Variants in PC observed in about 807,000 individuals in gnomAD.
PC encodes pyruvate carboxylase, also known as pyruvate carboxylase, mitochondrial.
Under a neutral mutation model 107.8 loss-of-function variants are expected in PC, and 46 were observed. The observed-to-expected ratio is 0.43, with a 90% confidence interval of 0.34 to 0.55. The LOEUF (loss-of-function observed/expected upper bound fraction) is 0.55, where lower values mean the gene tolerates loss of function less well. Among genes scored for constraint, PC ranks in the 20% least tolerant of loss-of-function variants. PC has a pLI of 0.04. For synonymous variants in PC, 662 were observed against 684.7 expected (o/e 0.97, Z 0.52); for missense variants, 1,241 against 1,643.1 (o/e 0.76, Z 4.23).
intron 3 of PC, among the ~76,000 whole-genome samples, chr11:66,875,719 C>G (rs1946952088): frequency 6.6e-6 from 1 of 152,104 alleles, no homozygotes. Flanking sequence ...CTGCGGTGAC[C>G]AGGAGGCACC....
chr11:66,856,379 G>A (rs1252689015), intron 12 of PC, among the ~76,000 whole-genome samples: 1 of 151,986 alleles, frequency 6.6e-6, no homozygotes, highest in Non-Finnish European at 1.5e-5. Context: ...GGCAGCTGGG[G>A]AGGGAGGGAG....
chr11:66,852,627 A>G lies in PC; in HGVS notation c.1637T>C (p.Leu546Pro). ...AGCAAAGCCCTCAGGCCCCTCTCGC[A>G]GCAGGATGTCTCTGAAACCAGCCGG... ...PPPAGFRDIL[L>P]REGPEGFARA... The change falls in exon 15 of 23, where the codon CTG becomes CCG. Residue 546 changes from leucine (L) to proline (P), a missense_variant. Physicochemically the swap from Leu to Pro is moderately conservative, Grantham distance 98. This residue lies in a region of PC where 1,143 missense variants were observed against 1,551.9 expected (regional missense o/e 0.74). Transcript: ENST00000393960. This position sits in a 1 kb window ranked among gnomAD's most constrained non-coding sequence, Gnocchi z 4.7. 6.2e-7 allele frequency: 1 copy of G among 1,613,876 alleles called. No homozygotes were observed. Among genetic ancestry groups the G allele is most frequent in the Non-Finnish European group, 8.5e-7 (1 of 1,179,864 alleles).
At chr11:66,900,947 T>C (rs1019767447) in intron 3 of PC, among the ~76,000 whole-genome samples, 7 of 152,236 alleles carry the variant, frequency 4.6e-5, no homozygotes, top group Non-Finnish European at 8.8e-5. Flanking sequence ...TTTTACCTCT[T>C]CCTTTCCAAT....
chr11:66,879,684 C>T (rs752611855), intron 3 of PC, among the ~76,000 whole-genome samples: 28 of 152,176 alleles, frequency 1.8e-4, no homozygotes, highest in Non-Finnish European at 3.5e-4. Context: ...TGCAGGGAGG[C>T]GGGAGGTTGG....
In PC at chr11:66,870,649, G is replaced by A. The variant is rs890194493; in HGVS notation, c.751+126C>T. ...CGGCCCCTAGAGCCCACTTTCCAGAGTCCTCTGGAAAAGCGCCCGACAGGC... is the reference window on the plus strand; with the variant it reads ...CGGCCCCTAGAGCCCACTTTCCAGAATCCTCTGGAAAAGCGCCCGACAGGC... On this transcript the variant is annotated intron_variant, in intron 8 of 22. Coordinates refer to ENST00000393960, the MANE Select transcript of PC (RefSeq NM_001040716.2). This position sits in a 1 kb window ranked among gnomAD's most constrained non-coding sequence, Gnocchi z 6.1. 1 of 1,165,080 alleles carries A rather than the reference G, an allele frequency of 8.6e-7. No individual in the cohort carries two copies. The highest frequency in any genetic ancestry group is 1.5e-5 in the African/African-American group (1 of 66,442). 72.2% of individuals were successfully genotyped at this position (1,165,080 alleles called of 1,614,324 possible). A position where few individuals can be genotyped will look rare whatever the true frequency, so the allele number is the denominator to read the frequency against.
At chr11:66,936,371 T>G (rs951428931) in intron 3 of PC, among the ~76,000 whole-genome samples, 1 of 152,152 alleles carries the variant, frequency 6.6e-6, no homozygotes, top group African/African-American at 2.4e-5. Context: ...GTCAGCTCCA[T>G]ATGGTGTCCT....
At chr11:66,865,308 G>A (rs1252683907) in intron 11 of PC, among the ~76,000 whole-genome samples, 2 of 152,224 alleles carry the variant, frequency 1.3e-5, no homozygotes, top group Non-Finnish European at 1.5e-5. Flanking sequence ...ACACAAGCCC[G>A]GGGGCCTCTG....
At position 66,871,563 on chromosome 11, in the gene PC, T is replaced by C. The variant is rs2135941370; in HGVS notation, c.322-83A>G. ...CAGCCTCTTCCCCTGCCTAACCTGCTGAGCTGCATCCGTTTACCCACCCAC... is the reference window on the plus strand; with the variant it reads ...CAGCCTCTTCCCCTGCCTAACCTGCCGAGCTGCATCCGTTTACCCACCCAC... On this transcript the variant is annotated intron_variant, in intron 5 of 22. Coordinates refer to ENST00000393960, the MANE Select transcript of PC (RefSeq NM_001040716.2). This position sits in a 1 kb window ranked among gnomAD's most constrained non-coding sequence, Gnocchi z 7.4. The C allele has an allele frequency of 1.9e-6, 3 of 1,595,712 alleles. No individual in the cohort carries two copies. The highest frequency in any genetic ancestry group is 2.6e-6 in the Non-Finnish European group (3 of 1,165,068).
At chr11:66,876,291 A>T (rs1946974865) in intron 3 of PC, among the ~76,000 whole-genome samples, 1 of 152,262 alleles carries the variant, frequency 6.6e-6, no homozygotes, top group African/African-American at 2.4e-5. Flanking sequence ...TCAAGGGTCC[A>T]CGAGCACCAC....
chr11:66,943,857 G>A (rs894403137), intron 3 of PC, among the ~76,000 whole-genome samples: 45 of 149,398 alleles, frequency 3.0e-4, no homozygotes, highest in East Asian at 1.6e-3. Context: ...CGTGGCAGGC[G>A]CGTGTATTCC....
At chr11:66,955,019 G>A (rs1949527054) in intron 1 of PC, among the ~76,000 whole-genome samples, 2 of 151,900 alleles carry the variant, frequency 1.3e-5, no homozygotes, top group South Asian at 4.2e-4. Flanking sequence ...TGAGAAATGT[G>A]GATTGCCAGA....
intron 3 of PC, among the ~76,000 whole-genome samples, chr11:66,880,144 C>T (rs146764355): frequency 6.6e-6 from 1 of 152,304 alleles, no homozygotes; most frequent in Admixed American, 6.5e-5. Flanking sequence ...CCAGTTTTTC[C>T]TTATCGAATG....
chr11:66,889,076 A>C (rs1038454847), intron 3 of PC, among the ~76,000 whole-genome samples: 2 of 152,200 alleles, frequency 1.3e-5, no homozygotes, highest in African/African-American at 4.8e-5. Flanking sequence ...TCCATCTCAA[A>C]AAACAAAACA....
intron 12 of PC, chr11:66,859,805 C>T (rs1446786137): frequency 6.3e-7 from 1 of 1,588,976 alleles, no homozygotes; most frequent in Non-Finnish European, 8.6e-7. Context: ...CGCCCCTGTG[C>T]CACGCCCTGC....
At chr11:66,872,261 G>A (rs1221636776) in intron 3 of PC, 102 bp from the exon 4 acceptor site, 5 of 1,362,326 alleles carry the variant, frequency 3.7e-6, no homozygotes, top group African/African-American at 2.9e-5. Context: ...CCACAGAAAG[G>A]CTAGCACCAT....
chr11:66,890,340 T>C (rs1457522108), intron 3 of PC, among the ~76,000 whole-genome samples: 3 of 151,936 alleles, frequency 2.0e-5, no homozygotes, highest in East Asian at 1.9e-4. Flanking sequence ...AATGAACCTA[T>C]GGTATTGTGT....
At chr11:66,918,870 CA>C (rs1342406234) in intron 3 of PC, among the ~76,000 whole-genome samples, 4 of 152,262 alleles carry the variant, frequency 2.6e-5, no homozygotes, top group African/African-American at 4.8e-5. Context: ...GAGGAGGGAG[CA>C]GCAACATTCA....
chr11:66,885,709 A>C lies in PC; in HGVS notation c.1-13550T>G, dbSNP rs979115827. On this transcript the variant is annotated intron_variant, in intron 3 of 22. Coordinates refer to ENST00000393960, the MANE Select transcript of PC (RefSeq NM_001040716.2). ...TCAGGCAAGGCCAAGGACTGCTGGC[A>C]AACACCAGAAGCTGGCAGTGGCCAG... is the stretch of plus-strand genomic sequence containing the variant. Among the ~76,000 whole-genome samples, 4 of 152,196 alleles carry C rather than the reference A, an allele frequency of 2.6e-5. No homozygotes were observed. In the South Asian group the frequency reaches 8.3e-4, roughly 32 times the overall value.
At chr11:66,948,347 T>C (rs997700541) in intron 3 of PC, among the ~76,000 whole-genome samples, 2 of 151,750 alleles carry the variant, frequency 1.3e-5, no homozygotes, top group Non-Finnish European at 2.9e-5. Flanking sequence ...TTCCAGAAAA[T>C]GGAAACTAAC....
Sources: allele counts gnomAD v4.1 joint callset (sites outside exome capture counted in the v4.1 genomes callset), GRCh38; gene constraint gnomAD v4.1.1; regional missense constraint gnomAD v4.1.1; non-coding constraint Gnocchi (gnomAD v3.1); transcripts MANE v1.5; gene names NCBI Gene and HGNC (gene_info 2026-07-23, HGNC 2026-07-21).